LEMD1: variants seen among roughly 807,000 people sequenced by gnomAD.
LEMD1 encodes LEM domain containing 1, also known as LEM domain-containing protein 1.
LEMD1 carries 18 observed loss-of-function variants against 17.4 expected under a neutral mutation model. The ratio of observed to expected loss-of-function variants is 1.04; its 90% CI spans 0.72 to 1.54. The LOEUF is 1.54. Among genes scored for constraint, LEMD1 ranks in the 40% most tolerant of loss-of-function variants. The pLI is 0.00. For synonymous variants in LEMD1, 88 were observed against 77.8 expected (o/e 1.13, Z -0.69); for missense variants, 195 against 210.4 (o/e 0.93, Z 0.45).
intron 1 of LEMD1, chr1:205,436,033 T>TA (rs1017860526): frequency 5.3e-5 from 8 of 152,212 alleles, no homozygotes; most frequent in East Asian, 1.9e-4. Context: ...AACAACGGGA[T>TA]AAAAATAGCA....
chr1:205,436,284 T>C (rs1446329327), intron 1 of LEMD1: 1 of 152,186 alleles, frequency 6.6e-6, no homozygotes, highest in Non-Finnish European at 1.5e-5. Context: ...AGCTCTTGGC[T>C]TTGGCAATTT....
chr1:205,393,000 T>G (rs1664411113), intron 4 of LEMD1, among the ~76,000 whole-genome samples: 1 of 152,182 alleles, frequency 6.6e-6, no homozygotes, highest in Non-Finnish European at 1.5e-5. Context: ...TCCCAGCTAT[T>G]CAGGAGGCTG....
chr1:205,434,668 C>G (rs893751744), intron 1 of LEMD1, among the ~76,000 whole-genome samples: 1 of 152,128 alleles, frequency 6.6e-6, no homozygotes, highest in African/African-American at 2.4e-5. Flanking sequence ...CACGGAGTTC[C>G]AGGAGACCTG....
chr1:205,434,348 A>AT (rs11454707), intron 1 of LEMD1, among the ~76,000 whole-genome samples: 26,507 of 143,070 alleles, frequency 0.19, 2,747 homozygotes, highest in Middle Eastern at 0.25. Flanking sequence ...AGTAAAAAAA[A>AT]ATATATATAT....
At chr1:205,408,913 G>A (rs1472099463) in intron 4 of LEMD1, among the ~76,000 whole-genome samples, 1 of 151,984 alleles carries the variant, frequency 6.6e-6, no homozygotes, top group African/African-American at 2.4e-5. Flanking sequence ...GAGTGCAAGT[G>A]GCATGATCTG....
intron 5 of LEMD1, among the ~76,000 whole-genome samples, chr1:205,382,715 G>C (rs1014721688): frequency 5.3e-5 from 8 of 152,192 alleles, no homozygotes; most frequent in African/African-American, 1.9e-4. Flanking sequence ...AGATCCCCAA[G>C]TCCTCGCTGG....
rs545483912 is a variant in LEMD1 at position 205,427,513 on chromosome 1, G to A, written c.-38-6939C>T. 2.0e-5 allele frequency among the ~76,000 whole-genome samples: 3 copies of A among 152,034 alleles called. No individual in the cohort carries two copies. In the South Asian group the frequency reaches 6.2e-4, roughly 32 times the overall value. On this transcript the variant is annotated intron_variant, in intron 1 of 3. Transcript: ENST00000367154. ...AGAGAGAGAGAGAGAGAGAGACAGA[G>A]AGAGAGACAGACAGAGCGCACACTC...
chr1:205,409,039 G>A (rs1371132384), intron 4 of LEMD1, among the ~76,000 whole-genome samples: 2 of 151,264 alleles, frequency 1.3e-5, no homozygotes, highest in African/African-American at 2.4e-5. Flanking sequence ...GGGTTTCACC[G>A]TGTTGCCCAG....
intron 4 of LEMD1, among the ~76,000 whole-genome samples, chr1:205,392,555 T>A: frequency 6.7e-6 from 1 of 149,592 alleles, no homozygotes; most frequent in East Asian, 2.0e-4. Flanking sequence ...AAAAAACAAA[T>A]TAGAACTGAA....
At chr1:205,425,466 C>T (rs775176664), upstream of LEMD1, among the ~76,000 whole-genome samples, 19 of 152,164 alleles carry the variant, frequency 1.2e-4, no homozygotes, top group Non-Finnish European at 2.6e-4. Context: ...CACCACGGAT[C>T]ATCCGCAGAG....
intron 4 of LEMD1, among the ~76,000 whole-genome samples, chr1:205,391,479 G>C (rs538348092): frequency 6.6e-6 from 1 of 152,292 alleles, no homozygotes; most frequent in South Asian, 2.1e-4. Flanking sequence ...AAGGAAAAGG[G>C]CAGCCTAGTA....
At chr1:205,437,045 C>T (rs1666221351) in intron 1 of LEMD1, 1 of 152,676 alleles carries the variant, frequency 6.5e-6, no homozygotes, top group Non-Finnish European at 1.5e-5. Flanking sequence ...GGCTCTCCAT[C>T]CAGAAACAAT....
chr1:205,392,286 C>A (rs1361183273), intron 4 of LEMD1, among the ~76,000 whole-genome samples: 2 of 152,076 alleles, frequency 1.3e-5, no homozygotes, highest in Admixed American at 6.6e-5. Flanking sequence ...AATATAAACT[C>A]TTTGCAGAGA....
chr1:205,418,123 A>G lies in LEMD1; in HGVS notation c.205+1107T>C, dbSNP rs116507901. ...CTTCCGAGCTCAGTGATGCTGGGCC[A>G]GTCACTTGGCCTCTCTGAGCTTCTA... On this transcript the variant is annotated intron_variant, in intron 3 of 5. Coordinates refer to ENST00000367153, the MANE Select transcript of LEMD1 (RefSeq NM_001199050.2). Among the ~76,000 whole-genome samples the G allele has an allele frequency of 7.1e-3, 1,082 of 152,298 alleles. 15 individuals carry two copies. The highest frequency in any genetic ancestry group is 0.024 in the African/African-American group (1,007 of 41,574).
At chr1:205,425,267 T>A (rs1430073658), upstream of LEMD1, among the ~76,000 whole-genome samples, 1 of 152,202 alleles carries the variant, frequency 6.6e-6, no homozygotes, top group Non-Finnish European at 1.5e-5. Context: ...GGCTTCGGAA[T>A]TAATTACACC....
At chr1:205,386,321 T>TTTTTTTG (rs1664016779) in intron 4 of LEMD1, 1 of 152,446 alleles carries the variant, frequency 6.6e-6, no homozygotes, top group Admixed American at 6.6e-5. Flanking sequence ...TTTTTTTTTT[T>TTTTTTTG]GAGATGGAGT....
chr1:205,409,132 C>G (rs1020415123), intron 4 of LEMD1, among the ~76,000 whole-genome samples: 1 of 152,188 alleles, frequency 6.6e-6, no homozygotes, highest in Non-Finnish European at 1.5e-5. Flanking sequence ...AGCCACCAAG[C>G]CTGGCCGGCA....
At chr1:205,418,536 G>A (rs189916557) in intron 3 of LEMD1, among the ~76,000 whole-genome samples, 2 of 152,182 alleles carry the variant, frequency 1.3e-5, no homozygotes, top group African/African-American at 4.8e-5. Flanking sequence ...TTTTTTTTTA[G>A]ACGGAGTCTC....
chr1:205,413,469 T>G (rs796832642), intron 4 of LEMD1, among the ~76,000 whole-genome samples: 5 of 151,832 alleles, frequency 3.3e-5, no homozygotes, highest in African/African-American at 1.2e-4. Context: ...TTACAATTTT[T>G]GTAGAGATGA....
Sources: gnomAD v4.1 joint callset for allele counts (sites outside exome capture counted in the v4.1 genomes callset) on GRCh38, gnomAD v4.1.1 for gene constraint, MANE v1.5 for transcripts, NCBI Gene and HGNC (gene_info 2026-07-23, HGNC 2026-07-21) for gene names.